The following PAPLN variants were observed in gnomAD, a reference collection of about 807,000 sequenced individuals.
PAPLN encodes papilin.
In PAPLN, 146 loss-of-function variants were observed where a neutral mutation model predicts 159.0. The ratio of observed to expected loss-of-function variants is 0.92; its 90% CI spans 0.80 to 1.05. The LOEUF (loss-of-function observed/expected upper bound fraction) is 1.05. Ranked by LOEUF, PAPLN falls within the 50% of genes least tolerant of loss-of-function variation. The pLI is 0.00. For missense variants in PAPLN, 1,720 were observed against 1,743.9 expected (o/e 0.99, Z 0.24); for synonymous variants, 734 against 702.9 (o/e 1.04, Z -0.70).
intron 18 of PAPLN, 72 bp downstream of exon 18, chr14:73,261,366 A>G: frequency 6.5e-7 from 1 of 1,548,274 alleles, no homozygotes; most frequent in Non-Finnish European, 8.7e-7. Flanking sequence ...GCCCCCACCC[A>G]GGACCAAAGA....
In PAPLN at chr14:73,259,052, T is replaced by A; in HGVS notation, c.1701T>A (p.Pro567=). The A allele has an allele frequency of 6.2e-7, 1 of 1,610,852 alleles. No homozygotes were observed. Among genetic ancestry groups the A allele is most frequent in the African/African-American group, 1.3e-5 (1 of 74,960 alleles). ...PWMPLGPQES[P]ASDSRGQWWA... ...TGCCGTTGGGCCCTCAGGAGTCCCC[T>A]GCCTCAGGTGAGAGCCTGGTCCCGT... Residue 567 remains proline (P), a synonymous_variant, in exon 15 of 27, where the codon CCT becomes CCA. Coordinates refer to ENST00000644200, the MANE Select transcript of PAPLN (RefSeq NM_001365906.3).
intron 19 of PAPLN, chr14:73,263,159 A>G (rs745373926): frequency 2.9e-6 from 1 of 345,778 alleles, no homozygotes; most frequent in Non-Finnish European, 5.2e-6. Flanking sequence ...CAACTTCTCC[A>G]AGCCTCAGTT....
Position 73,259,165 on chromosome 14 carries a change from G to A in PAPLN, c.1709-104G>A. On this transcript the variant is annotated intron_variant, in intron 15 of 26. Transcript: ENST00000644200. ...ACAGTTGGGTGCAGCCATGGTGGAAGGGAGAATGGTCCAGGGGACGGAGGA... is the reference window on the plus strand; with the variant it reads ...ACAGTTGGGTGCAGCCATGGTGGAAAGGAGAATGGTCCAGGGGACGGAGGA... 18 of 1,525,358 alleles carry A rather than the reference G, an allele frequency of 1.2e-5. No homozygotes were observed. In the South Asian group the frequency reaches 1.7e-4, roughly 14 times the overall value. 94.5% of individuals were successfully genotyped at this position (1,525,358 alleles called of 1,614,324 possible).
rs61746923 is a variant in PAPLN at position 73,265,395 on chromosome 14, C to T, written c.3151C>T (p.Arg1051Trp). Residue 1051 changes from arginine to tryptophan, a missense_variant, in exon 23 of 27, where the codon CGG (arginine) becomes TGG (tryptophan). By Grantham distance (101) the Arg-to-Trp change is moderately radical. Coordinates refer to ENST00000644200, the MANE Select transcript of PAPLN (RefSeq NM_001365906.3). The surrounding 1 kb of genome is among the most constrained non-coding windows in gnomAD (Gnocchi z 4.1). ...NRLRLDQNQP[R>W]VVDASPGQRI... The stretch of plus-strand genomic sequence containing the variant: ...GCTGCGTTTGGACCAGAACCAGCCC[C>T]GGGTGGTGGATGCCAGTCCAGGCCA... 2.6e-3 allele frequency: 4,115 copies of T among 1,611,360 alleles called. 96 individuals carry two copies. In the African/African-American group the frequency reaches 0.049, roughly 19 times the overall value.
intron 19 of PAPLN, 127 bp downstream of exon 19, chr14:73,262,954 C>A: frequency 2.2e-6 from 2 of 912,256 alleles, no homozygotes; most frequent in Non-Finnish European, 3.0e-6. Flanking sequence ...TCCCGAGAGC[C>A]CTGCCTGGTG....
chr14:73,250,397 A>G (rs1885107698), intron 6 of PAPLN, among the ~76,000 whole-genome samples: 1 of 152,338 alleles, frequency 6.6e-6, no homozygotes, highest in African/African-American at 2.4e-5. Context: ...CAGCAGGGAC[A>G]GCCGCAGGCG....
intron 10 of PAPLN, 27 bp downstream of exon 10, chr14:73,252,168 G>A: frequency 6.4e-7 from 1 of 1,568,180 alleles, no homozygotes; most frequent in Non-Finnish European, 8.7e-7. Flanking sequence ...CCCAGGGGAG[G>A]GCATGGGCCC....
intron 26 of PAPLN, among the ~76,000 whole-genome samples, chr14:73,271,981 G>T (rs944158892): frequency 1.6e-4 from 24 of 152,314 alleles, no homozygotes; most frequent in African/African-American, 5.8e-4. Context: ...AAAACTGGAA[G>T]GATGAGGACC....
chr14:73,259,461 C>T lies in PAPLN; in HGVS notation c.1901C>T (p.Pro634Leu), dbSNP rs1886311741. The change falls in exon 16 of 27, where the codon CCT (proline) becomes CTT (leucine). Residue 634 changes from proline to leucine, a missense_variant. By Grantham distance (98) the Pro-to-Leu change is moderately conservative (BLOSUM62 -3). Coordinates refer to ENST00000644200, the MANE Select transcript of PAPLN (RefSeq NM_001365906.3). ...GGGCCCCACGACTGCAGACACAGTC[C>T]TCACGGGTGCTGCCCCGATGGCCAC... is the stretch of plus-strand genomic sequence containing the variant. ...GSGPHDCRHSPHGCCPDGHTA... is the reference protein window; with the variant it reads ...GSGPHDCRHSLHGCCPDGHTA... The T allele has an allele frequency of 6.2e-7, 1 of 1,611,218 alleles. No homozygotes were observed. Among genetic ancestry groups the T allele is most frequent in the Admixed American group, 1.7e-5 (1 of 59,756 alleles).
chr14:73,260,609 C>A, intron 16 of PAPLN, 100 bp from the exon 17 acceptor site: 1 of 1,340,896 alleles, frequency 7.5e-7, no homozygotes, highest in Non-Finnish European at 9.6e-7. Flanking sequence ...GGTCCCCACC[C>A]TGTCAGCCCC....
At chr14:73,260,917 G>A in intron 17 of PAPLN, 88 bp downstream of exon 17, 1 of 1,475,970 alleles carries the variant, frequency 6.8e-7, no homozygotes. Context: ...TGCCGCTTTG[G>A]CCTCGGAGAA....
chr14:73,272,361 A>C, intron 26 of PAPLN, 134 bp from the exon 27 acceptor site: 1 of 794,736 alleles, frequency 1.3e-6, no homozygotes, highest in Non-Finnish European at 1.9e-6. Context: ...AAAAGGTTAC[A>C]GGGTAAGTGC....
chr14:73,269,419 A>G (rs1388225753), intron 26 of PAPLN, among the ~76,000 whole-genome samples: 1 of 152,212 alleles, frequency 6.6e-6, no homozygotes, highest in East Asian at 1.9e-4. Flanking sequence ...TACTTCAACA[A>G]ATCCAAATTG....
intron 2 of PAPLN, among the ~76,000 whole-genome samples, chr14:73,241,808 G>A (rs1163953508): frequency 6.6e-6 from 1 of 152,268 alleles, no homozygotes; most frequent in East Asian, 1.9e-4. Context: ...GCGTGTTCCT[G>A]GGCCTCAGCC....
intron 18 of PAPLN, 58 bp from the exon 19 acceptor site, chr14:73,262,292 A>C: frequency 1.3e-6 from 2 of 1,484,096 alleles, no homozygotes; most frequent in Non-Finnish European, 1.8e-6. Flanking sequence ...GAGAGGATGG[A>C]GGGTGCAGCT....
rs1170974784 is a variant in PAPLN, at chr14:73,263,664, G to T, written c.2743G>T (p.Glu915Ter). 2 of 1,613,732 alleles carry T rather than the reference G, an allele frequency of 1.2e-6. No individual in the cohort carries two copies. The highest frequency in any genetic ancestry group is 8.5e-7 in the Non-Finnish European group (1 of 1,179,994). The change falls in exon 20 of 27, where the codon GAG (glutamate) becomes TAG (stop). Residue 915 changes from glutamate to a stop codon, truncating the protein, a stop_gained. Coordinates refer to ENST00000644200, the MANE Select transcript of PAPLN (RefSeq NM_001365906.3). LOFTEE classifies it high-confidence loss of function. Reference sequence around the variant, plus strand: ...CTCCAGGATTAGCTTGGCAGGTGTGGAGCCCTCGTTGGTGCAGGCAGCCCT... The same window carrying T: ...CTCCAGGATTAGCTTGGCAGGTGTGTAGCCCTCGTTGGTGCAGGCAGCCCT... ...SSYRISLAGV[E>*]PSLVQAALGQ...
At chr14:73,263,832 C>A (rs777503607) in intron 20 of PAPLN, 50 bp downstream of exon 20, 2 of 1,552,928 alleles carry the variant, frequency 1.3e-6, no homozygotes, top group South Asian at 2.3e-5. Context: ...AGCCCCCCTA[C>A]CTTCCCTGAC....
chr14:73,245,401 C>A lies in PAPLN; in HGVS notation c.171-235C>A. The A allele has an allele frequency of 1.8e-6, 1 of 554,588 alleles. No homozygotes were observed. Among genetic ancestry groups the A allele is most frequent in the Non-Finnish European group, 3.2e-6 (1 of 309,284 alleles). The allele number at this position is 554,588 out of a possible 1,614,324, so 34.4% of individuals were successfully genotyped here. On this transcript the variant is annotated intron_variant, in intron 3 of 26. Coordinates refer to ENST00000644200, the MANE Select transcript of PAPLN (RefSeq NM_001365906.3). This position sits in a 1 kb window ranked among gnomAD's most constrained non-coding sequence, Gnocchi z 4.2. ...CTGCCTAAGATGCAGTGGAGTGGTC[C>A]CGCCTTAAATCCAAACTATAGGGTG... is the stretch of plus-strand genomic sequence containing the variant.
intron 5 of PAPLN, among the ~76,000 whole-genome samples, chr14:73,247,097 G>A (rs1476037578): frequency 6.6e-6 from 1 of 152,098 alleles, no homozygotes; most frequent in Non-Finnish European, 1.5e-5. Context: ...TCCTCCCGTC[G>A]CACAGAGACG....
Sources: allele counts gnomAD v4.1 joint callset (sites outside exome capture counted in the v4.1 genomes callset), GRCh38; gene constraint gnomAD v4.1.1; non-coding constraint Gnocchi (gnomAD v3.1); transcripts MANE v1.5; gene names NCBI Gene and HGNC (gene_info 2026-07-23, HGNC 2026-07-21).